RNF13: variants seen among roughly 807,000 people sequenced by gnomAD.
RNF13 encodes the protein E3 ubiquitin-protein ligase RNF13.
RNF13 carries 19 observed loss-of-function variants against 37.7 expected under a neutral mutation model. The ratio of observed to expected loss-of-function variants is 0.50; its 90% CI spans 0.35 to 0.74. The LOEUF is 0.74. Ranked by LOEUF, RNF13 falls within the 30% of genes least tolerant of loss-of-function variation. The probability of loss-of-function intolerance (pLI) is 0.01; values close to 1 mark genes in which losing one functional copy is unlikely to be tolerated. For synonymous variants in RNF13, 144 were observed against 157.8 expected (o/e 0.91, Z 0.65); for missense variants, 375 against 453.0 (o/e 0.83, Z 1.56).
At chr3:149,893,579 T>A (rs1309144304) in intron 4 of RNF13, among the ~76,000 whole-genome samples, 2 of 152,220 alleles carry the variant, frequency 1.3e-5, no homozygotes, top group African/African-American at 2.4e-5. Context: ...GTGAAGTCTG[T>A]ACTGCCATGG....
At position 149,921,133 on chromosome 3, in the gene RNF13, G is replaced by T; in HGVS notation, c.607-1G>T. ...TCCTTTTTTTACTCTTTTATTTTTA[G>T]ATCACAAAATTTGTCCAGGATAGAC... On this transcript the variant is annotated splice_acceptor_variant, in intron 7 of 9. Transcript: ENST00000392894. LOFTEE classifies it high-confidence loss of function. 1.5e-6 allele frequency: 2 copies of T among 1,305,278 alleles called. No homozygotes were observed. The highest frequency in any genetic ancestry group is 2.1e-5 in the South Asian group (1 of 47,524). 80.9% of individuals were successfully genotyped at this position (1,305,278 alleles called of 1,614,324 possible).
intron 5 of RNF13, among the ~76,000 whole-genome samples, chr3:149,899,990 T>C (rs2108499209): frequency 6.6e-6 from 1 of 152,342 alleles, no homozygotes; most frequent in African/African-American, 2.4e-5. Flanking sequence ...CGATATGTAC[T>C]TCACAGAGTT....
At chr3:149,924,611 T>C (rs1377494223) in intron 8 of RNF13, among the ~76,000 whole-genome samples, 2 of 152,212 alleles carry the variant, frequency 1.3e-5, no homozygotes, top group African/African-American at 4.8e-5. Context: ...GAGCTCAGTA[T>C]TGACCACTAG....
chr3:149,895,436 TATAAC>T (rs1028102626), intron 4 of RNF13, 32 bp from the exon 5 acceptor site: 1 of 1,252,512 alleles, frequency 8.0e-7, no homozygotes, highest in Non-Finnish European at 1.1e-6. Flanking sequence ...CTGTCTTCCT[TATAAC>T]ATAATTTTTT....
At chr3:149,842,415 G>T (rs1440093220) in intron 1 of RNF13, among the ~76,000 whole-genome samples, 1 of 152,060 alleles carries the variant, frequency 6.6e-6, no homozygotes, top group Non-Finnish European at 1.5e-5. Context: ...GCCCTTCTGT[G>T]CATAATTGTA....
At chr3:149,855,435 G>C (rs1011767371) in intron 3 of RNF13, among the ~76,000 whole-genome samples, 4 of 150,892 alleles carry the variant, frequency 2.7e-5, no homozygotes, top group Admixed American at 1.3e-4. Flanking sequence ...AGCACTGCAT[G>C]GTATTCTGTA....
At chr3:149,876,736 T>G (rs1490990148) in intron 4 of RNF13, among the ~76,000 whole-genome samples, 2 of 151,604 alleles carry the variant, frequency 1.3e-5, no homozygotes, top group Non-Finnish European at 2.9e-5. Context: ...GTCTGAAACC[T>G]TCCCTGATTT....
At chr3:149,939,091 C>A (rs1289547508) in intron 8 of RNF13, 10 of 510,714 alleles carry the variant, frequency 2.0e-5, no homozygotes, top group Non-Finnish European at 3.8e-5. Flanking sequence ...ATTTTAATGT[C>A]TTCTACAGAA....
At chr3:149,885,885 A>G (rs1242959839) in intron 4 of RNF13, among the ~76,000 whole-genome samples, 1 of 152,176 alleles carries the variant, frequency 6.6e-6, no homozygotes, top group African/African-American at 2.4e-5. Context: ...TAAGTATTTC[A>G]TCCATTTTGG....
At chr3:149,915,252 G>A (rs1039869675) in intron 7 of RNF13, among the ~76,000 whole-genome samples, 7 of 151,962 alleles carry the variant, frequency 4.6e-5, no homozygotes, top group Non-Finnish European at 2.9e-5. Flanking sequence ...TTACATCTCT[G>A]GATTATTCAG....
chr3:149,813,213 T>G (rs1467715371), upstream of RNF13: 1 of 152,490 alleles, frequency 6.6e-6, no homozygotes, highest in Non-Finnish European at 1.5e-5. Flanking sequence ...GACTTCCGCT[T>G]CGCCTAGGTG....
intron 1 of RNF13, among the ~76,000 whole-genome samples, chr3:149,829,114 CT>C (rs1367284728): frequency 6.6e-6 from 1 of 152,030 alleles, no homozygotes; most frequent in South Asian, 2.1e-4. Context: ...AAACCTATTT[CT>C]TTTTGAGATG....
At chr3:149,882,407 A>G (rs1713532816) in intron 4 of RNF13, among the ~76,000 whole-genome samples, 1 of 152,194 alleles carries the variant, frequency 6.6e-6, no homozygotes, top group Non-Finnish European at 1.5e-5. Context: ...ACTTTAAACA[A>G]CTATTTATAT....
At chr3:149,950,885 T>G (rs1416067334) in intron 8 of RNF13, among the ~76,000 whole-genome samples, 1 of 152,096 alleles carries the variant, frequency 6.6e-6, no homozygotes, top group East Asian at 1.9e-4. Flanking sequence ...GAGCTGGAGT[T>G]GGGTATCTTC....
At chr3:149,891,260 A>G (rs958043335) in intron 4 of RNF13, among the ~76,000 whole-genome samples, 2 of 152,224 alleles carry the variant, frequency 1.3e-5, no homozygotes, top group African/African-American at 4.8e-5. Context: ...AATATTAGAG[A>G]TAACATGTAT....
At chr3:149,851,835 C>G (rs946807016) in intron 2 of RNF13, among the ~76,000 whole-genome samples, 4 of 152,130 alleles carry the variant, frequency 2.6e-5, no homozygotes, top group Admixed American at 6.5e-5. Flanking sequence ...ACTCATCTCA[C>G]AATTATTATC....
At chr3:149,814,045 T>G (rs968875121) in intron 1 of RNF13, 1 of 152,214 alleles carries the variant, frequency 6.6e-6, no homozygotes, top group African/African-American at 2.4e-5. Context: ...CTCTATTTTG[T>G]CCTAATCTGA....
At chr3:149,854,662 A>G (rs1304893018) in intron 3 of RNF13, among the ~76,000 whole-genome samples, 1 of 152,200 alleles carries the variant, frequency 6.6e-6, no homozygotes, top group Non-Finnish European at 1.5e-5. Flanking sequence ...TGAGTGGTGC[A>G]GCCAATGGAC....
chr3:149,870,082 A>G (rs1407022561), intron 3 of RNF13, among the ~76,000 whole-genome samples: 4 of 151,756 alleles, frequency 2.6e-5, no homozygotes, highest in Non-Finnish European at 5.9e-5. Context: ...TTCCAGGGCT[A>G]GGGATTGTAG....
Sources: allele counts gnomAD v4.1 joint callset (sites outside exome capture counted in the v4.1 genomes callset), GRCh38; gene constraint gnomAD v4.1.1; transcripts MANE v1.5; gene names NCBI Gene and HGNC (gene_info 2026-07-23, HGNC 2026-07-21).